The following TRAPPC10 variants were observed in gnomAD, a reference collection of about 807,000 sequenced individuals.
TRAPPC10 encodes the protein trafficking protein particle complex subunit 10.
A neutral mutation model predicts 125.5 loss-of-function variants in TRAPPC10; 23 were observed. That is an observed-to-expected ratio of 0.18 (90% CI 0.13 to 0.26). The LOEUF (loss-of-function observed/expected upper bound fraction) is 0.26, where lower values mean the gene tolerates loss of function less well. Ranked by LOEUF, TRAPPC10 falls within the 10% of genes least tolerant of loss-of-function variation. TRAPPC10 has a pLI of 1.00. For missense variants in TRAPPC10, 1,123 were observed against 1,308.4 expected (o/e 0.86, Z 2.19); for synonymous variants, 509 against 518.0 (o/e 0.98, Z 0.24).
At chr21:44,024,404 G>C (rs1215902945) in intron 1 of TRAPPC10, among the ~76,000 whole-genome samples, 9 of 152,226 alleles carry the variant, frequency 5.9e-5, no homozygotes, top group Non-Finnish European at 4.4e-5. Flanking sequence ...TGCTGATGCT[G>C]AAGGGCCAGG....
At chr21:44,023,025 CTTTTTT>C (rs1028804319) in intron 1 of TRAPPC10, among the ~76,000 whole-genome samples, 9 of 80,246 alleles carry the variant, frequency 1.1e-4, no homozygotes, top group Middle Eastern at 0.012. Flanking sequence ...TTCCCTATGT[CTTTTTT>C]TTTTTTTTTT....
At chr21:44,064,943 T>C (rs2145934181) in intron 7 of TRAPPC10, among the ~76,000 whole-genome samples, 1 of 152,282 alleles carries the variant, frequency 6.6e-6, no homozygotes, top group Non-Finnish European at 1.5e-5. Flanking sequence ...CTGCCTGTAA[T>C]CACCTGGATT....
At chr21:44,036,197 G>A (rs960598005) in intron 2 of TRAPPC10, among the ~76,000 whole-genome samples, 10 of 152,184 alleles carry the variant, frequency 6.6e-5, no homozygotes, top group Admixed American at 1.3e-4. Context: ...ATCATGCCAG[G>A]GAATCAGAGA....
Position 44,069,733 on chromosome 21 carries a change from A to G in TRAPPC10, c.1039-4591A>G, listed in dbSNP as rs376414943. Among the ~76,000 whole-genome samples, 28 of 152,296 alleles carry G rather than the reference A, an allele frequency of 1.8e-4. No homozygotes were observed. In the South Asian group the frequency reaches 5.8e-3, roughly 32 times the overall value. Reference sequence around the variant, plus strand: ...GGCACCCGTGAGTCATTGGAGCTGCAAACGGGGAAGAACTCAAATGTTCAT... The same window carrying G: ...GGCACCCGTGAGTCATTGGAGCTGCGAACGGGGAAGAACTCAAATGTTCAT... On this transcript the variant is annotated intron_variant, in intron 7 of 22. Coordinates refer to ENST00000291574, the MANE Select transcript of TRAPPC10 (RefSeq NM_003274.5).
chr21:44,055,771 C>A lies in TRAPPC10; in HGVS notation c.556C>A (p.Leu186Ile), dbSNP rs1458852863. ...ATCCTGGAATGCCTTCCTGACCAAA[C>A]TCAGGACATTGCTTCTTATGTCTTT... ...QESWNAFLTK[L>I]RTLLLMSFTK... Residue 186 changes from leucine to isoleucine, a missense_variant, in exon 5 of 23, where the codon CTC (leucine) becomes ATC (isoleucine). By Grantham distance (5) the Leu-to-Ile change is conservative (BLOSUM62 2). Transcript: ENST00000291574. The A allele has an allele frequency of 6.8e-6, 11 of 1,613,836 alleles. No individual in the cohort carries two copies. The highest frequency in any genetic ancestry group is 9.3e-6 in the Non-Finnish European group (11 of 1,179,868).
intron 7 of TRAPPC10, among the ~76,000 whole-genome samples, chr21:44,070,755 A>AGT (rs2036806665): frequency 6.6e-6 from 1 of 152,206 alleles, no homozygotes; most frequent in Non-Finnish European, 1.5e-5. Flanking sequence ...GGGTAAAATA[A>AGT]GCCAGGGTGG....
At chr21:44,062,286 T>C (rs1316827208) in intron 6 of TRAPPC10, among the ~76,000 whole-genome samples, 1 of 152,230 alleles carries the variant, frequency 6.6e-6, no homozygotes, top group Admixed American at 6.5e-5. Context: ...CCAGGCACTG[T>C]TCTAAATACA....
intron 5 of TRAPPC10, among the ~76,000 whole-genome samples, chr21:44,056,770 G>A (rs2035626977): frequency 6.6e-6 from 1 of 152,128 alleles, no homozygotes; most frequent in Non-Finnish European, 1.5e-5. Flanking sequence ...GGGGTCGAGG[G>A]TGGGGTCTTA....
In TRAPPC10 at chr21:44,092,056, A is replaced by G. The variant is rs1261571534; in HGVS notation, c.2997+7A>G. 5 of 1,613,858 alleles carry G rather than the reference A, an allele frequency of 3.1e-6. No homozygotes were observed. The highest frequency in any genetic ancestry group is 1.1e-5 in the South Asian group (1 of 91,038). On this transcript the variant is annotated splice_region_variant and intron_variant, in intron 19 of 22. Coordinates refer to ENST00000291574, the MANE Select transcript of TRAPPC10 (RefSeq NM_003274.5). ...GAACACGCAGTCCCAGCAGGTAAAC[A>G]TTGTGTAGACCTGAGCATAAACTTC...
Position 44,079,544 on chromosome 21 carries a change from CTGTT to C in TRAPPC10, c.1470-15_1470-12del. The C allele has an allele frequency of 2.5e-6, 4 of 1,580,616 alleles. No homozygotes were observed. Among genetic ancestry groups the C allele is most frequent in the Non-Finnish European group, 3.4e-6 (4 of 1,171,388 alleles). On this transcript the variant is annotated splice_polypyrimidine_tract_variant and intron_variant, in intron 11 of 22. Transcript: ENST00000291574. ...TTATCCCTAGCTGTAATGAAAGCTA[CTGTT>C]TGTTGACTTTGCAAGGAGGAAAAAG...
Position 44,052,411 on chromosome 21 carries a change from C to T in TRAPPC10, c.417C>T (p.Asn139=). The T allele has an allele frequency of 6.2e-7, 1 of 1,613,854 alleles. No homozygotes were observed. Among genetic ancestry groups the T allele is most frequent in the African/African-American group, 1.3e-5 (1 of 75,044 alleles). ...ENDAKKKNKT[N]ILPRTSIVDK... ...ATGCCAAGAAAAAAAACAAAACCAACATCCTTCCCCGAACCTCTATTGTGG... is the reference window on the plus strand; with the variant it reads ...ATGCCAAGAAAAAAAACAAAACCAATATCCTTCCCCGAACCTCTATTGTGG... Residue 139 remains asparagine, a synonymous_variant, in exon 4 of 23, where the codon AAC becomes AAT. Coordinates refer to ENST00000291574, the MANE Select transcript of TRAPPC10 (RefSeq NM_003274.5).
At chr21:44,055,191 C>T (rs1262871351) in intron 4 of TRAPPC10, among the ~76,000 whole-genome samples, 1 of 152,102 alleles carries the variant, frequency 6.6e-6, no homozygotes, top group African/African-American at 2.4e-5. Flanking sequence ...AGCAAACTCT[C>T]CTTTGAATTT....
At chr21:44,060,815 G>A (rs1028722978) in intron 6 of TRAPPC10, among the ~76,000 whole-genome samples, 27 of 151,380 alleles carry the variant, frequency 1.8e-4, no homozygotes, top group African/African-American at 6.6e-4. Context: ...TGGCCAGGCT[G>A]GTCTCGAACT....
chr21:44,030,654 G>A (rs1569148980), intron 1 of TRAPPC10, among the ~76,000 whole-genome samples: 1 of 151,942 alleles, frequency 6.6e-6, no homozygotes, highest in Non-Finnish European at 1.5e-5. Flanking sequence ...TTTTAGTAGA[G>A]ACAAGGTTTC....
intron 13 of TRAPPC10, 65 bp downstream of exon 13, chr21:44,080,192 C>A: frequency 7.5e-7 from 1 of 1,337,446 alleles, no homozygotes; most frequent in South Asian, 1.2e-5. Context: ...AAAAAGAATA[C>A]AAGATATACC....
intron 1 of TRAPPC10, among the ~76,000 whole-genome samples, chr21:44,021,041 A>G (rs748762863): frequency 3.3e-5 from 5 of 152,254 alleles, no homozygotes; most frequent in Non-Finnish European, 5.9e-5. Context: ...TTAAATAAAA[A>G]TGTCACTTTA....
chr21:44,017,664 G>A (rs899608857), intron 1 of TRAPPC10, among the ~76,000 whole-genome samples: 1 of 151,682 alleles, frequency 6.6e-6, no homozygotes, highest in East Asian at 1.9e-4. Context: ...TGTGCTACGT[G>A]GGGGGCAGGC....
chr21:44,063,864 T>G lies in TRAPPC10; in HGVS notation c.1038+79T>G. 1 of 1,530,400 alleles carries G rather than the reference T, an allele frequency of 6.5e-7. No individual in the cohort carries two copies. The highest frequency in any genetic ancestry group is 1.3e-5 in the South Asian group (1 of 78,546). 94.8% of individuals were successfully genotyped at this position (1,530,400 alleles called of 1,614,324 possible). A position where few individuals can be genotyped will look rare whatever the true frequency, so the allele number is the denominator to read the frequency against. ...CTCTGAACCTTGAGATCCCAGGCAT[T>G]GAACTGTTTGTGCTTAAGAAAGGGT... On this transcript the variant is annotated intron_variant, in intron 7 of 22. Transcript: ENST00000291574. The surrounding 1 kb of genome is among the most constrained non-coding windows in gnomAD (Gnocchi z 4.4).
intron 7 of TRAPPC10, among the ~76,000 whole-genome samples, chr21:44,070,160 A>G (rs1372641952): frequency 2.6e-5 from 4 of 152,164 alleles, no homozygotes; most frequent in Admixed American, 6.5e-5. Context: ...CCTAGGACTC[A>G]TGTACCTTCC....
Sources: gnomAD v4.1 joint callset for allele counts (sites outside exome capture counted in the v4.1 genomes callset) on GRCh38, gnomAD v4.1.1 for gene constraint, Gnocchi (gnomAD v3.1) non-coding constraint, MANE v1.5 for transcripts, NCBI Gene and HGNC (gene_info 2026-07-23, HGNC 2026-07-21) for gene names.